ELAPOR2: variants seen among roughly 807,000 people sequenced by gnomAD.
ELAPOR2 encodes the protein endosome/lysosome-associated apoptosis and autophagy regulator family member 2.
Under a neutral mutation model 120.7 loss-of-function variants are expected in ELAPOR2, and 89 were observed. The ratio of observed to expected loss-of-function variants is 0.74; its 90% CI spans 0.62 to 0.88. The LOEUF (loss-of-function observed/expected upper bound fraction) is 0.88, where lower values mean the gene tolerates loss of function less well. Ranked by LOEUF, ELAPOR2 falls within the 40% of genes least tolerant of loss-of-function variation. ELAPOR2 has a pLI of 0.00. For synonymous variants in ELAPOR2, 444 were observed against 444.9 expected, an observed-to-expected ratio of 1.00 and a Z score of 0.03; for missense variants, 1,134 against 1,251.6, an observed-to-expected ratio of 0.91 and a Z score of 1.42.
intron 8 of ELAPOR2, among the ~76,000 whole-genome samples, chr7:86,935,376 G>A (rs1312537548): frequency 6.6e-6 from 1 of 151,972 alleles, no homozygotes; most frequent in Non-Finnish European, 1.5e-5. Context: ...TATCAAAAAT[G>A]CTCTCCTTCC....
chr7:87,019,268 A>G (rs78415481), intron 1 of ELAPOR2, among the ~76,000 whole-genome samples: 2,984 of 152,258 alleles, frequency 0.02, 105 homozygotes, highest in African/African-American at 0.067. Flanking sequence ...GGCTTAAGCC[A>G]TCTTCCTGCC....
At chr7:87,010,882 A>G (rs1793633040) in intron 1 of ELAPOR2, among the ~76,000 whole-genome samples, 1 of 152,150 alleles carries the variant, frequency 6.6e-6, no homozygotes, top group African/African-American at 2.4e-5. Flanking sequence ...TACATTGTCC[A>G]AGTTTATATG....
intron 1 of ELAPOR2, among the ~76,000 whole-genome samples, chr7:86,966,642 T>C (rs1040915813): frequency 1.3e-5 from 2 of 152,222 alleles, no homozygotes; most frequent in Non-Finnish European, 2.9e-5. Context: ...TCTGTATTCG[T>C]TTCCCATAAC....
intron 21 of ELAPOR2, among the ~76,000 whole-genome samples, chr7:86,888,340 CA>C (rs1562897536): frequency 6.6e-6 from 1 of 152,038 alleles, no homozygotes; most frequent in African/African-American, 2.4e-5. Context: ...TGGAAAGAGA[CA>C]ACAACACAGT....
At chr7:87,004,947 C>T (rs1259186008) in intron 1 of ELAPOR2, among the ~76,000 whole-genome samples, 1 of 152,032 alleles carries the variant, frequency 6.6e-6, no homozygotes, top group Non-Finnish European at 1.5e-5. Context: ...TTTGCAACTG[C>T]CCAGAGCTAC....
At position 86,938,840 on chromosome 7, in the gene ELAPOR2, C is replaced by T; in HGVS notation, c.968G>A (p.Cys323Tyr). ...NTYSEKGAKE[C>Y]IRCKDDSQFS... The stretch of plus-strand genomic sequence containing the variant: ...TTGAGAGTCGTCTTTACACCTTATA[C>T]ATTCTTTGGCTCCTTTCTCAGAATA... Residue 323 changes from cysteine to tyrosine, a missense_variant, in exon 7 of 22, where the codon TGT becomes TAT. Physicochemically the swap from Cys to Tyr is radical, Grantham distance 194. Around this residue, in one of 3 missense-constraint regions of ELAPOR2, gnomAD observed 831 missense variants for 867.6 expected, o/e 0.96. Transcript: ENST00000450689. 1 of 1,613,248 alleles carries T rather than the reference C, an allele frequency of 6.2e-7. No homozygotes were observed. Among genetic ancestry groups the T allele is most frequent in the Non-Finnish European group, 8.5e-7 (1 of 1,179,400 alleles).
chr7:86,921,882 T>C (rs1208182801), intron 10 of ELAPOR2, among the ~76,000 whole-genome samples: 1 of 152,086 alleles, frequency 6.6e-6, no homozygotes, highest in Non-Finnish European at 1.5e-5. Context: ...GATAGACCAC[T>C]GCTATCCAAT....
At chr7:86,949,225 C>T (rs1791132221) in intron 2 of ELAPOR2, among the ~76,000 whole-genome samples, 1 of 152,196 alleles carries the variant, frequency 6.6e-6, no homozygotes, top group Non-Finnish European at 1.5e-5. Context: ...ATAGTCAAAA[C>T]TGTCCTAGGA....
intron 8 of ELAPOR2, among the ~76,000 whole-genome samples, chr7:86,928,294 A>G (rs1790169148): frequency 6.6e-6 from 1 of 151,994 alleles, no homozygotes; most frequent in African/African-American, 2.4e-5. Flanking sequence ...TAAGAAAAGC[A>G]ATATAAAATT....
chr7:87,049,816 G>A (rs887889054), intron 1 of ELAPOR2, among the ~76,000 whole-genome samples: 3 of 152,220 alleles, frequency 2.0e-5, no homozygotes, highest in Non-Finnish European at 2.9e-5. Flanking sequence ...GAATGTGTCC[G>A]TGAAGGTTGA....
intron 1 of ELAPOR2, among the ~76,000 whole-genome samples, chr7:87,024,869 T>C (rs919144192): frequency 6.6e-6 from 1 of 151,998 alleles, no homozygotes; most frequent in African/African-American, 2.4e-5. Context: ...GTTGAATCTC[T>C]GAATAGACCA....
chr7:86,938,202 C>T lies in ELAPOR2; in HGVS notation c.1013G>A (p.Ser338Asn), dbSNP rs1584372494. 5 of 1,550,144 alleles carry T rather than the reference C, an allele frequency of 3.2e-6. No individual in the cohort carries two copies. The highest frequency in any genetic ancestry group is 1.7e-4 in the Middle Eastern group (1 of 5,976). ...DDSQFSEEGS[S>N]ECTERPPCTT... ...ACAGGGAGGGCGCTCTGTACACTCA[C>T]TGGATCCTTCCTCTGCAACATAAAA... The change falls in exon 8 of 22, where the codon AGT (serine) becomes AAT (asparagine). Residue 338 changes from serine (S) to asparagine (N), a missense_variant. Coordinates refer to ENST00000450689, the MANE Select transcript of ELAPOR2 (RefSeq NM_001142749.3).
intron 21 of ELAPOR2, among the ~76,000 whole-genome samples, chr7:86,883,254 C>T (rs1206675117): frequency 6.6e-6 from 1 of 152,078 alleles, no homozygotes; most frequent in African/African-American, 2.4e-5. Context: ...TAAATCTATA[C>T]ATAAACCCGA....
intron 1 of ELAPOR2, among the ~76,000 whole-genome samples, chr7:87,028,700 G>A (rs1054464240): frequency 1.3e-5 from 2 of 152,020 alleles, no homozygotes; most frequent in South Asian, 2.1e-4. Context: ...CAGCTAGTTT[G>A]ATCTTTTTAC....
chr7:87,059,305 G>A lies in ELAPOR2; in HGVS notation c.189+20C>T. On this transcript the variant is annotated intron_variant, in intron 1 of 21. Transcript: ENST00000450689. ...GCCCTCCCCCAGCAAACTCCAGGTA[G>A]AGGACCAGGTGCTGCTCACCTCCTG... 5 of 1,248,050 alleles carry A rather than the reference G, an allele frequency of 4.0e-6. No individual in the cohort carries two copies. Among genetic ancestry groups the A allele is most frequent in the Non-Finnish European group, 5.1e-6 (5 of 988,252 alleles). 77.3% of individuals were successfully genotyped at this position (1,248,050 alleles called of 1,614,324 possible). A position where few individuals can be genotyped will look rare whatever the true frequency, so the allele number is the denominator to read the frequency against.
intron 1 of ELAPOR2, among the ~76,000 whole-genome samples, chr7:87,052,215 A>C (rs553691805): frequency 6.6e-6 from 1 of 152,364 alleles, no homozygotes; most frequent in African/African-American, 2.4e-5. Context: ...TACAAAAGAA[A>C]GGGATTTAAT....
chr7:87,057,205 C>G lies in ELAPOR2; in HGVS notation c.189+2120G>C, dbSNP rs1264707532. The stretch of plus-strand genomic sequence containing the variant: ...AAAGGGCTGAGCTCAAGAGGATACC[C>G]TTTCCCCACTCCCAGCACAAACATT... On this transcript the variant is annotated intron_variant, in intron 1 of 21. Transcript: ENST00000450689. 5.9e-5 allele frequency among the ~76,000 whole-genome samples: 9 copies of G among 152,336 alleles called. No individual in the cohort carries two copies. In the East Asian group the frequency reaches 1.5e-3, roughly 26 times the overall value.
intron 1 of ELAPOR2, among the ~76,000 whole-genome samples, chr7:87,034,210 G>A (rs915194117): frequency 6.6e-6 from 1 of 152,114 alleles, no homozygotes; most frequent in Non-Finnish European, 1.5e-5. Context: ...TATGGGCCCT[G>A]GTGTAGCAGC....
chr7:86,905,091 G>GAAGA (rs1260452712), intron 18 of ELAPOR2, among the ~76,000 whole-genome samples: 1 of 142,486 alleles, frequency 7.0e-6, no homozygotes. Context: ...AGGAAGGAAG[G>GAAGA]AAGGAAGGAA....
Sources: gnomAD v4.1 joint callset for allele counts (sites outside exome capture counted in the v4.1 genomes callset) on GRCh38, gnomAD v4.1.1 for gene constraint, gnomAD v4.1.1 regional missense constraint, MANE v1.5 for transcripts, NCBI Gene and HGNC (gene_info 2026-07-23, HGNC 2026-07-21) for gene names.